FAM171A2: variants seen among roughly 807,000 people sequenced by gnomAD.
FAM171A2 encodes family with sequence similarity 171 member A2.
Under a neutral mutation model 34.2 loss-of-function variants are expected in FAM171A2, and 13 were observed. The observed-to-expected ratio is 0.38, with a 90% confidence interval of 0.25 to 0.60. The LOEUF (loss-of-function observed/expected upper bound fraction) is 0.60, where lower values mean the gene tolerates loss of function less well. Among genes scored for constraint, FAM171A2 ranks in the 20% least tolerant of loss-of-function variants. FAM171A2 has a pLI of 0.62. For missense variants in FAM171A2, 950 were observed against 1,180.7 expected (o/e 0.80, Z 2.86); for synonymous variants, 475 against 561.2 (o/e 0.85, Z 2.17).
chr17:44,355,850 G>A lies in FAM171A2; in HGVS notation c.896-9C>T. Reference sequence around the variant, plus strand: ...CGTGATGGTGACCAGCCCTGTGCCAGGCGAGGGCTTAGCGTTCAGGTGTAG... The same window carrying A: ...CGTGATGGTGACCAGCCCTGTGCCAAGCGAGGGCTTAGCGTTCAGGTGTAG... On this transcript the variant is annotated splice_polypyrimidine_tract_variant and intron_variant, in intron 6 of 7. Transcript: ENST00000293443. The surrounding 1 kb of genome is among the most constrained non-coding windows in gnomAD (Gnocchi z 4.1). 1 of 1,551,642 alleles carries A rather than the reference G, an allele frequency of 6.4e-7. No individual in the cohort carries two copies. The highest frequency in any genetic ancestry group is 8.7e-7 in the Non-Finnish European group (1 of 1,146,994).
rs1466939157 is a variant in FAM171A2 at position 44,354,120 on chromosome 17, C to A, written c.2094G>T (p.Ala698=). The A allele has an allele frequency of 3.4e-5, 39 of 1,151,138 alleles. No individual in the cohort carries two copies. In the East Asian group the frequency reaches 1.5e-3, roughly 45 times the overall value. The allele number at this position is 1,151,138 out of a possible 1,614,324, so 71.3% of individuals were successfully genotyped here. The change falls in exon 8 of 8, where the codon GCG becomes GCT. Residue 698 remains alanine, a synonymous_variant. Transcript: ENST00000293443. The surrounding 1 kb of genome is among the most constrained non-coding windows in gnomAD (Gnocchi z 5.8). The stretch of plus-strand genomic sequence containing the variant: ...GCTCCTCCCTCGCGGGCCGGCGGCG[C>A]GCGGGCCGCGCCTCGTGGACATCTA... The part of the protein sequence containing the change: ...SGVDVHEARP[A]RRRPAREERE...
At chr17:44,360,981 C>A (rs1226561628) in intron 1 of FAM171A2, among the ~76,000 whole-genome samples, 1 of 152,244 alleles carries the variant, frequency 6.6e-6, no homozygotes, top group Non-Finnish European at 1.5e-5. Context: ...CGCCCTCATT[C>A]CTCCCAGGAG....
chr17:44,355,620 C>T lies in FAM171A2; in HGVS notation c.1022+95G>A. On this transcript the variant is annotated intron_variant, in intron 7 of 7. Coordinates refer to ENST00000293443, the MANE Select transcript of FAM171A2 (RefSeq NM_198475.3). The surrounding 1 kb of genome is among the most constrained non-coding windows in gnomAD (Gnocchi z 4.1). The stretch of plus-strand genomic sequence containing the variant: ...ATGTTTGCAGGAAGTCTTTTCCTGT[C>T]TGCCCCTTGAGGACCAGAAGTGGAT... 1 of 1,490,838 alleles carries T rather than the reference C, an allele frequency of 6.7e-7. No individual in the cohort carries two copies. Among genetic ancestry groups the T allele is most frequent in the South Asian group, 1.3e-5 (1 of 78,850 alleles). 92.4% of individuals were successfully genotyped at this position (1,490,838 alleles called of 1,614,324 possible).
chr17:44,357,057 T>C (rs767844603), intron 3 of FAM171A2, among the ~76,000 whole-genome samples: 16 of 152,136 alleles, frequency 1.1e-4, no homozygotes, highest in Non-Finnish European at 1.5e-4. Context: ...AATGTAATGA[T>C]TTTTTTCTAG....
chr17:44,357,468 G>A (rs1269341350), intron 3 of FAM171A2, among the ~76,000 whole-genome samples: 3 of 151,744 alleles, frequency 2.0e-5, no homozygotes, highest in Non-Finnish European at 4.4e-5. Flanking sequence ...CCAAGATGGT[G>A]AAACCCCATC....
chr17:44,362,694 C>T (rs1306171077), intron 1 of FAM171A2, among the ~76,000 whole-genome samples: 2 of 152,224 alleles, frequency 1.3e-5, no homozygotes, highest in African/African-American at 2.4e-5. Context: ...CGGCCCCACC[C>T]CCACCTCACA....
In FAM171A2 at chr17:44,355,086, G is replaced by T; in HGVS notation, c.1128C>A (p.Leu376=). The change falls in exon 8 of 8, where the codon CTC becomes CTA. Residue 376 remains leucine (L), a synonymous_variant. Coordinates refer to ENST00000293443, the MANE Select transcript of FAM171A2 (RefSeq NM_198475.3). This position sits in a 1 kb window ranked among gnomAD's most constrained non-coding sequence, Gnocchi z 4.1. The part of the protein sequence containing the change: ...DQATSMSQLH[L]ICGGPLEPAP... Reference sequence around the variant, plus strand: ...CGGGTTCCAGGGGTCCCCCACAGATGAGGTGGAGCTGGGACATCGAGGTGG... The same window carrying T: ...CGGGTTCCAGGGGTCCCCCACAGATTAGGTGGAGCTGGGACATCGAGGTGG... 6.4e-7 allele frequency: 1 copy of T among 1,550,708 alleles called. No homozygotes were observed. Among genetic ancestry groups the T allele is most frequent in the Non-Finnish European group, 8.7e-7 (1 of 1,146,842 alleles).
chr17:44,360,636 C>T (rs1005383436), intron 1 of FAM171A2, among the ~76,000 whole-genome samples: 1 of 152,116 alleles, frequency 6.6e-6, no homozygotes, highest in Non-Finnish European at 1.5e-5. Context: ...AACCCCGGGC[C>T]TGGGGAGAGG....
Position 44,354,819 on chromosome 17 carries a change from C to G in FAM171A2, c.1395G>C (p.Ser465=). ...GCTCGTGCAGGAAGGCCGCAGCCCC[C>G]GAGGGCCCCCGCCGGTGCTCCTCTA... is the stretch of plus-strand genomic sequence containing the variant. ...PGLEEHRRGP[S]GAAAFLHEPP... is the part of the protein sequence containing the mutation. The change falls in exon 8 of 8, where the codon TCG becomes TCC. Residue 465 remains serine (S), a synonymous_variant. Transcript: ENST00000293443. This position sits in a 1 kb window ranked among gnomAD's most constrained non-coding sequence, Gnocchi z 5.8. The G allele has an allele frequency of 1.6e-6, 2 of 1,282,012 alleles. No homozygotes were observed. The highest frequency in any genetic ancestry group is 2.0e-6 in the Non-Finnish European group (2 of 1,015,420). The allele number at this position is 1,282,012 out of a possible 1,614,324, so 79.4% of individuals were successfully genotyped here. A position where few individuals can be genotyped will look rare whatever the true frequency, so the allele number is the denominator to read the frequency against.
chr17:44,356,097 C>T, intron 5 of FAM171A2, 23 bp from the exon 6 acceptor site: 1 of 1,526,976 alleles, frequency 6.5e-7, no homozygotes, highest in Non-Finnish European at 8.8e-7. Context: ...GGGGTTTTGT[C>T]ACACTTGAGT....
rs1411303055 is a variant in FAM171A2, at chr17:44,356,216, G to A, written c.735C>T (p.Thr245=). The A allele has an allele frequency of 1.3e-6, 2 of 1,550,864 alleles. No individual in the cohort carries two copies. Among genetic ancestry groups the A allele is most frequent in the East Asian group, 2.4e-5 (1 of 40,858 alleles). The change falls in exon 5 of 8, where the codon ACC becomes ACT. Residue 245 remains threonine (T), a synonymous_variant. Transcript: ENST00000293443. ...TCCAGGCTGGAATGCTGGTGCCCACGGTGAGGGCACGAGTCTCGGAGGGCA... is the reference window on the plus strand; with the variant it reads ...TCCAGGCTGGAATGCTGGTGCCCACAGTGAGGGCACGAGTCTCGGAGGGCA... The part of the protein sequence containing the change: ...LPVPSETRAL[T]VGTSIPAWRF...
chr17:44,357,666 T>G (rs752853386), intron 3 of FAM171A2, among the ~76,000 whole-genome samples: 1 of 151,936 alleles, frequency 6.6e-6, no homozygotes, highest in African/African-American at 2.4e-5. Context: ...AATTAATGAA[T>G]TTTTAATTTA....
Position 44,354,489 on chromosome 17 carries a change from A to T in FAM171A2, c.1725T>A (p.Ala575=). 1 of 1,077,956 alleles carries T rather than the reference A, an allele frequency of 9.3e-7. No individual in the cohort carries two copies. Among genetic ancestry groups the T allele is most frequent in the Non-Finnish European group, 1.1e-6 (1 of 890,400 alleles). The allele number at this position is 1,077,956 out of a possible 1,614,324, so 66.8% of individuals were successfully genotyped here. ...PEGTAPGPAR[A]FPQPDPQRPQ... ...GGCGCTGGGGGTCGGGCTGGGGAAA[A>T]GCGCGCGCCGGGCCGGGTGCCGTGC... Residue 575 remains alanine, a synonymous_variant, in exon 8 of 8, where the codon GCT becomes GCA. Coordinates refer to ENST00000293443, the MANE Select transcript of FAM171A2 (RefSeq NM_198475.3). This position sits in a 1 kb window ranked among gnomAD's most constrained non-coding sequence, Gnocchi z 5.8.
chr17:44,356,611 G>A, intron 3 of FAM171A2, 23 bp from the exon 4 acceptor site: 2 of 1,527,328 alleles, frequency 1.3e-6, no homozygotes, highest in Non-Finnish European at 1.8e-6. Flanking sequence ...AGGGGCTGCA[G>A]TGGCTTGACC....
At chr17:44,357,737 G>A (rs1192085202) in intron 3 of FAM171A2, among the ~76,000 whole-genome samples, 2 of 151,608 alleles carry the variant, frequency 1.3e-5, no homozygotes, top group Non-Finnish European at 2.9e-5. Context: ...GGTCGTGTGT[G>A]TGTGTGTGTG....
At chr17:44,358,616 A>T (rs1359954312) in intron 3 of FAM171A2, among the ~76,000 whole-genome samples, 1 of 152,050 alleles carries the variant, frequency 6.6e-6, no homozygotes, top group Admixed American at 6.6e-5. Flanking sequence ...CCTTGAACCC[A>T]GAAAGCAAAG....
rs1323309387 is a variant in FAM171A2, at chr17:44,354,312, C to G, written c.1902G>C (p.Leu634=). ...ESTMAQLNGE[L]QALTEKKLLE... Reference sequence around the variant, plus strand: ...GCAGCTTCTTCTCGGTCAGGGCCTGCAGCTCCCCGTTGAGCTGCGCCATGG... The same window carrying G: ...GCAGCTTCTTCTCGGTCAGGGCCTGGAGCTCCCCGTTGAGCTGCGCCATGG... The change falls in exon 8 of 8, where the codon CTG becomes CTC. Residue 634 remains leucine (L), a synonymous_variant. Transcript: ENST00000293443. The surrounding 1 kb of genome is among the most constrained non-coding windows in gnomAD (Gnocchi z 5.8). 6.9e-7 allele frequency: 1 copy of G among 1,450,874 alleles called. No individual in the cohort carries two copies. Among genetic ancestry groups the G allele is most frequent in the Non-Finnish European group, 9.2e-7 (1 of 1,091,646 alleles). The allele number at this position is 1,450,874 out of a possible 1,614,324, so 89.9% of individuals were successfully genotyped here.
chr17:44,362,940 C>G (rs1436290302), intron 1 of FAM171A2, among the ~76,000 whole-genome samples: 4 of 152,202 alleles, frequency 2.6e-5, no homozygotes, highest in Non-Finnish European at 4.4e-5. Flanking sequence ...CAATGTACCC[C>G]CTTTTCTTAG....
intron 1 of FAM171A2, among the ~76,000 whole-genome samples, chr17:44,360,971 C>T (rs9894891): frequency 0.027 from 4,128 of 152,328 alleles, 187 homozygotes; most frequent in African/African-American, 0.094. Context: ...ACCATGGCAA[C>T]GCCCTCATTC....
Sources: allele counts gnomAD v4.1 joint callset (sites outside exome capture counted in the v4.1 genomes callset), GRCh38; gene constraint gnomAD v4.1.1; non-coding constraint Gnocchi (gnomAD v3.1); transcripts MANE v1.5; gene names NCBI Gene and HGNC (gene_info 2026-07-23, HGNC 2026-07-21).